ZBTB8B: variants seen among roughly 807,000 people sequenced by gnomAD.
ZBTB8B encodes zinc finger and BTB domain containing 8B, also known as zinc finger and BTB domain-containing protein 8B.
ZBTB8B carries 17 observed loss-of-function variants against 30.3 expected under a neutral mutation model. That is an observed-to-expected ratio of 0.56 (90% CI 0.38 to 0.84). The LOEUF is 0.84. ZBTB8B is among the 40% of genes least tolerant of loss of function. The pLI, the probability that ZBTB8B is intolerant of heterozygous loss-of-function variation, is 0.00. For synonymous variants in ZBTB8B, 248 were observed against 255.6 expected (o/e 0.97, Z 0.28); for missense variants, 515 against 644.9 (o/e 0.80, Z 2.18).
chr1:32,465,282 T>C lies in ZBTB8B; in HGVS notation c.-42+177T>C, dbSNP rs1643562603. Among the ~76,000 whole-genome samples, 1 of 152,224 alleles carries C rather than the reference T, an allele frequency of 6.6e-6. No homozygotes were observed. The highest frequency in any genetic ancestry group is 6.5e-5 in the Admixed American group (1 of 15,288). On this transcript the variant is annotated intron_variant, in intron 1 of 3. Coordinates refer to ENST00000609129, the MANE Select transcript of ZBTB8B (RefSeq NM_001145720.2). The surrounding 1 kb of genome is among the most constrained non-coding windows in gnomAD (Gnocchi z 4.1). ...GGGACCTCCGCCCCGCGAGCCCTTC[T>C]AGCGTGGGGAGGGGCAGGCGCGGCC...
Position 32,470,714 on chromosome 1 carries a change from G to A in ZBTB8B, c.90G>A (p.Val30=). The change falls in exon 2 of 4, where the codon GTG becomes GTA. Residue 30 remains valine, a synonymous_variant. Coordinates refer to ENST00000609129, the MANE Select transcript of ZBTB8B (RefSeq NM_001145720.2). ...RDFFCDCSII[V]EGRIFKAHRN... ...TTTTCTGTGACTGCAGCATCATTGTGGAAGGGCGGATCTTCAAGGCCCACA... is the reference window on the plus strand; with the variant it reads ...TTTTCTGTGACTGCAGCATCATTGTAGAAGGGCGGATCTTCAAGGCCCACA... 1 of 1,551,750 alleles carries A rather than the reference G, an allele frequency of 6.4e-7. No individual in the cohort carries two copies. The highest frequency in any genetic ancestry group is 1.7e-4 in the Middle Eastern group (1 of 5,990).
rs1349625226 is a variant in ZBTB8B, at chr1:32,470,585, G to A, written c.-40G>A. On this transcript the variant is annotated splice_region_variant and 5_prime_UTR_variant, in exon 2 of 4. Coordinates refer to ENST00000609129, the MANE Select transcript of ZBTB8B (RefSeq NM_001145720.2). ...TTAACTTAAGAAAAATCTTGGCAGAGATACAGGTTTGCTCTGGAGCAGCAG... is the reference window on the plus strand; with the variant it reads ...TTAACTTAAGAAAAATCTTGGCAGAAATACAGGTTTGCTCTGGAGCAGCAG... 1.3e-6 allele frequency: 2 copies of A among 1,498,480 alleles called. No homozygotes were observed. The highest frequency in any genetic ancestry group is 9.0e-7 in the Non-Finnish European group (1 of 1,116,450). 92.8% of individuals were successfully genotyped at this position (1,498,480 alleles called of 1,614,324 possible). A position where few individuals can be genotyped will look rare whatever the true frequency, so the allele number is the denominator to read the frequency against.
At chr1:32,478,895 A>T (rs1643683394) in intron 2 of ZBTB8B, among the ~76,000 whole-genome samples, 1 of 152,226 alleles carries the variant, frequency 6.6e-6, no homozygotes, top group African/African-American at 2.4e-5. Context: ...GGTAAAAAAA[A>T]TTCTGAAGAG....
intron 2 of ZBTB8B, among the ~76,000 whole-genome samples, chr1:32,475,140 T>C (rs1643652794): frequency 6.6e-6 from 1 of 152,272 alleles, no homozygotes; most frequent in Admixed American, 6.5e-5. Context: ...GTATAGTTTT[T>C]CCAAGTGCTA....
At chr1:32,466,939 T>C (rs1643575715) in intron 1 of ZBTB8B, among the ~76,000 whole-genome samples, 1 of 151,406 alleles carries the variant, frequency 6.6e-6, no homozygotes. Flanking sequence ...AGTCCAGGAG[T>C]TCAAGACCAT....
intron 2 of ZBTB8B, among the ~76,000 whole-genome samples, chr1:32,479,427 G>T (rs1026066299): frequency 1.3e-5 from 2 of 152,130 alleles, no homozygotes; most frequent in East Asian, 3.8e-4. Flanking sequence ...GAAGGCTGAG[G>T]CAGGAGAATC....
At position 32,490,691 on chromosome 1, in the gene ZBTB8B, G is replaced by A. The variant is rs2148189023; in HGVS notation, c.*5273G>A. ...TGCAAGCTCCGCCTCCTGGGTTCAT[G>A]CCATTCTCCTGCCTCAGCCTCCTGA... On this transcript the variant is annotated 3_prime_UTR_variant, in exon 4 of 4. Coordinates refer to ENST00000609129, the MANE Select transcript of ZBTB8B (RefSeq NM_001145720.2). The A allele has an allele frequency of 6.6e-6, 1 of 152,234 alleles. No homozygotes were observed. The highest frequency in any genetic ancestry group is 2.1e-4 in the South Asian group (1 of 4,822). 9.4% of individuals were successfully genotyped at this position (152,234 alleles called of 1,614,324 possible). A position where few individuals can be genotyped will look rare whatever the true frequency, so the allele number is the denominator to read the frequency against.
At chr1:32,485,080 T>G (rs553627573) in intron 3 of ZBTB8B, 21 bp from the exon 4 acceptor site, 3 of 1,548,730 alleles carry the variant, frequency 1.9e-6, no homozygotes, top group East Asian at 4.9e-5. Flanking sequence ...TGACATCTAC[T>G]GTGTCTGCTT....
At position 32,485,402 on chromosome 1, in the gene ZBTB8B, G is replaced by A. The variant is rs1207524589; in HGVS notation, c.1472G>A (p.Arg491Gln). ...CAAATTCAGCCTAACTTATCAGACC[G>A]AGAGACACTTACGTAGCAATAAATT... ...KPQIQPNLSD[R>Q]ETLT Residue 491 changes from arginine to glutamine, a missense_variant, in exon 4 of 4, where the codon CGA (arginine) becomes CAA (glutamine). Transcript: ENST00000609129. The A allele has an allele frequency of 1.2e-5, 18 of 1,550,884 alleles. No homozygotes were observed. The highest frequency in any genetic ancestry group is 5.5e-5 in the African/African-American group (4 of 73,010).
chr1:32,475,821 T>G (rs1339267248), intron 2 of ZBTB8B, among the ~76,000 whole-genome samples: 2 of 149,740 alleles, frequency 1.3e-5, no homozygotes, highest in African/African-American at 4.9e-5. Flanking sequence ...GGGAGGTTTT[T>G]TTTTTTTTTT....
At chr1:32,473,111 T>C (rs111753221) in intron 2 of ZBTB8B, among the ~76,000 whole-genome samples, 9,240 of 152,278 alleles carry the variant, frequency 0.061, 382 homozygotes, top group Non-Finnish European at 0.094. Context: ...AAAAATAAAC[T>C]TGGCTGCCAA....
intron 1 of ZBTB8B, among the ~76,000 whole-genome samples, chr1:32,470,372 C>T (rs936835806): frequency 2.0e-5 from 3 of 151,740 alleles, no homozygotes; most frequent in African/African-American, 7.3e-5. Flanking sequence ...TGGTGGCAGG[C>T]ACCTGTAGTC....
Position 32,486,718 on chromosome 1 carries a change from G to A in ZBTB8B, c.*1300G>A, listed in dbSNP as rs1472294529. The A allele has an allele frequency of 1.3e-5, 2 of 152,162 alleles. No individual in the cohort carries two copies. The highest frequency in any genetic ancestry group is 2.1e-4 in the South Asian group (1 of 4,826). 9.4% of individuals were successfully genotyped at this position (152,162 alleles called of 1,614,324 possible). On this transcript the variant is annotated 3_prime_UTR_variant, in exon 4 of 4. Coordinates refer to ENST00000609129, the MANE Select transcript of ZBTB8B (RefSeq NM_001145720.2). ...ACCCTCCCACCACCGCCCTGTTTTA[G>A]CTAGTCCTCAATTTGGTCCATGTCC...
rs1211111697 is a variant in ZBTB8B at position 32,484,393 on chromosome 1, G to A, written c.1171-708G>A. On this transcript the variant is annotated intron_variant, in intron 3 of 3. Coordinates refer to ENST00000609129, the MANE Select transcript of ZBTB8B (RefSeq NM_001145720.2). The surrounding 1 kb of genome is among the most constrained non-coding windows in gnomAD (Gnocchi z 4.5). ...AAAGGAAGAAGTATGGGTGAGAATC[G>A]CTAGGTGGAGGCCCTAACTGGCCTA... Among the ~76,000 whole-genome samples the A allele has an allele frequency of 1.3e-5, 2 of 152,052 alleles. No homozygotes were observed. Among genetic ancestry groups the A allele is most frequent in the Non-Finnish European group, 2.9e-5 (2 of 68,026 alleles).
At chr1:32,480,407 C>T (rs1483903051) in intron 2 of ZBTB8B, among the ~76,000 whole-genome samples, 2 of 152,170 alleles carry the variant, frequency 1.3e-5, no homozygotes, top group African/African-American at 2.4e-5. Flanking sequence ...CTCATTTAAC[C>T]TTAATTACCT....
At position 32,496,528 on chromosome 1, in the gene ZBTB8B, GT is replaced by G. The variant is rs1179357034; in HGVS notation, c.*11113del. On this transcript the variant is annotated 3_prime_UTR_variant, in exon 4 of 4. Transcript: ENST00000609129. ...GATACCTTGTTTAACAAGTAAGACAGTTTCTGCTTTTTGGAATTGAATTGGT... is the reference window on the plus strand; with the variant it reads ...GATACCTTGTTTAACAAGTAAGACAGTTCTGCTTTTTGGAATTGAATTGGT... 6.6e-6 allele frequency: 1 copy of G among 152,156 alleles called. No homozygotes were observed. Among genetic ancestry groups the G allele is most frequent in the Non-Finnish European group, 1.5e-5 (1 of 68,022 alleles). 9.4% of individuals were successfully genotyped at this position (152,156 alleles called of 1,614,324 possible).
Position 32,470,685 on chromosome 1 carries a change from G to A in ZBTB8B, c.61G>A (p.Asp21Asn). The A allele has an allele frequency of 6.4e-7, 1 of 1,551,626 alleles. No homozygotes were observed. Among genetic ancestry groups the A allele is most frequent in the Non-Finnish European group, 8.7e-7 (1 of 1,146,996 alleles). The change falls in exon 2 of 4, where the codon GAC (aspartate) becomes AAC (asparagine). Residue 21 changes from aspartate (D) to asparagine (N), a missense_variant. By Grantham distance (23) the Asp-to-Asn change is conservative. Around this residue, in one of 3 missense-constraint regions of ZBTB8B, gnomAD observed 25 missense variants for 22.9 expected, o/e 1.09. Transcript: ENST00000609129. ...LGELNEQRKR[D>N]FFCDCSIIVE... ...GGAGCTGAATGAACAGAGAAAGAGGGACTTTTTCTGTGACTGCAGCATCAT... is the reference window on the plus strand; with the variant it reads ...GGAGCTGAATGAACAGAGAAAGAGGAACTTTTTCTGTGACTGCAGCATCAT...
intron 2 of ZBTB8B, among the ~76,000 whole-genome samples, chr1:32,475,304 G>C (rs1287167966): frequency 6.6e-6 from 1 of 152,170 alleles, no homozygotes; most frequent in Non-Finnish European, 1.5e-5. Flanking sequence ...AATGTGGGCC[G>C]GGCTCAGTCG....
At chr1:32,482,326 T>C (rs1433054443) in intron 3 of ZBTB8B, among the ~76,000 whole-genome samples, 3 of 151,658 alleles carry the variant, frequency 2.0e-5, no homozygotes, top group Non-Finnish European at 4.4e-5. Flanking sequence ...AGACAATCAG[T>C]GTTTGGGAAA....
Sources: allele counts gnomAD v4.1 joint callset (sites outside exome capture counted in the v4.1 genomes callset), GRCh38; gene constraint gnomAD v4.1.1; regional missense constraint gnomAD v4.1.1; non-coding constraint Gnocchi (gnomAD v3.1); transcripts MANE v1.5; gene names NCBI Gene and HGNC (gene_info 2026-07-23, HGNC 2026-07-21).